Variants in PLCH2 observed in about 807,000 individuals in gnomAD.
PLCH2 encodes 1-phosphatidylinositol 4,5-bisphosphate phosphodiesterase eta-2.
Under a neutral mutation model 134.7 loss-of-function variants are expected in PLCH2, and 98 were observed. That is an observed-to-expected ratio of 0.73 (90% confidence interval 0.62 to 0.86). The LOEUF (loss-of-function observed/expected upper bound fraction) is 0.86. PLCH2 is among the 40% of genes least tolerant of loss of function. The pLI, the probability that PLCH2 is intolerant of heterozygous loss-of-function variation, is 0.00. For missense variants in PLCH2, 1,994 were observed against 1,986.6 expected, an observed-to-expected ratio of 1.00 and a Z score of -0.07; for synonymous variants, 974 against 827.5, an observed-to-expected ratio of 1.18 and a Z score of -3.04.
intron 11 of PLCH2, among the ~76,000 whole-genome samples, chr1:2,492,032 C>T (rs1331438023): frequency 6.6e-6 from 1 of 152,220 alleles, no homozygotes; most frequent in Admixed American, 6.5e-5. Flanking sequence ...TGCTGGTGGG[C>T]GCCCATGCTG....
intron 2 of PLCH2, among the ~76,000 whole-genome samples, chr1:2,440,205 G>A (rs1245708481): frequency 6.6e-6 from 1 of 152,198 alleles, no homozygotes; most frequent in Admixed American, 6.5e-5. Context: ...GCCAGATGGG[G>A]TCTGTGGGTA....
intron 2 of PLCH2, among the ~76,000 whole-genome samples, chr1:2,452,885 A>G (rs1265900829): frequency 6.6e-6 from 1 of 152,204 alleles, no homozygotes; most frequent in Non-Finnish European, 1.5e-5. Context: ...CAGAGCCTAG[A>G]GGAGGACAGC....
Position 2,480,327 on chromosome 1 carries a change from G to A in PLCH2, c.645+15G>A, listed in dbSNP as rs1641895148. On this transcript the variant is annotated intron_variant, in intron 4 of 21. Transcript: ENST00000378486. ...AGATGTTCAGGGTGAGCTGGGGGGA[G>A]CCCTACCTGGGCTCCAGAGCCAGGG... is the stretch of plus-strand genomic sequence containing the variant. The A allele has an allele frequency of 6.2e-7, 1 of 1,608,742 alleles. No homozygotes were observed. Among genetic ancestry groups the A allele is most frequent in the African/African-American group, 1.3e-5 (1 of 74,860 alleles).
rs957154418 is a variant in PLCH2, at chr1:2,500,027, C to T, written c.2661+307C>T. The stretch of plus-strand genomic sequence containing the variant: ...CTGTCTCAGACTCTTGGGGGCCTTG[C>T]AGCCTCCACCCCTACAGTGCTGCCA... On this transcript the variant is annotated intron_variant, in intron 20 of 21. Coordinates refer to ENST00000378486, the MANE Select transcript of PLCH2 (RefSeq NM_014638.4). 1.4e-5 allele frequency: 7 copies of T among 508,010 alleles called. No individual in the cohort carries two copies. The East Asian group carries it at 2.0e-4, about 14-fold the overall frequency. The allele number at this position is 508,010 out of a possible 1,614,324, so 31.5% of individuals were successfully genotyped here.
upstream of PLCH2, chr1:2,467,446 T>TCC: frequency 7.4e-6 from 1 of 134,904 alleles, no homozygotes; most frequent in Non-Finnish European, 1.1e-5. Context: ...CCCCTCGCCT[T>TCC]CCTCACCTTC....
At chr1:2,459,401 T>TCCTTGCTGGTGGTC (rs1557969353) in intron 2 of PLCH2, among the ~76,000 whole-genome samples, 2 of 53,966 alleles carry the variant, frequency 3.7e-5, no homozygotes, top group East Asian at 1.4e-3. Flanking sequence ...TCCTGGTGGT[T>TCCTTGCTGGTGGTC]CTCCTTCCTG....
At chr1:2,433,424 G>C (rs1018115036) in intron 2 of PLCH2, among the ~76,000 whole-genome samples, 4 of 152,308 alleles carry the variant, frequency 2.6e-5, no homozygotes, top group Middle Eastern at 3.4e-3. Context: ...CTGTCCCCTG[G>C]AGTACTCCAG....
intron 7 of PLCH2, 108 bp downstream of exon 7, chr1:2,487,484 T>C (rs756453294): frequency 8.1e-5 from 119 of 1,473,750 alleles, no homozygotes; most frequent in Non-Finnish European, 1.1e-4. Flanking sequence ...TGGGAAGGCC[T>C]CTTCTGTGTC....
At chr1:2,436,252 C>T (rs1484517087) in intron 2 of PLCH2, among the ~76,000 whole-genome samples, 41 of 101,438 alleles carry the variant, frequency 4.0e-4, no homozygotes, top group African/African-American at 1.6e-3. Flanking sequence ...TCCCTCCTCC[C>T]CTCCTCCCTC....
chr1:2,498,447 G>T lies in PLCH2; in HGVS notation c.2225-76G>T. 1 of 1,520,820 alleles carries T rather than the reference G, an allele frequency of 6.6e-7. No homozygotes were observed. 94.2% of individuals were successfully genotyped at this position (1,520,820 alleles called of 1,614,324 possible). On this transcript the variant is annotated intron_variant, in intron 16 of 21. Transcript: ENST00000378486. The surrounding 1 kb of genome is among the most constrained non-coding windows in gnomAD (Gnocchi z 5.4). ...CTATGTGGGGGCTGGGGAGGGGGCT[G>T]TTGGCAGCCATGCCCCAGCAAGCAG...
Position 2,495,481 on chromosome 1 carries a change from C to A in PLCH2, c.1753-7C>A. ...CCCTACAGCTCACACCTCTGCCCCCCGCACAGAAGAAGGGCAGCAAGCTGA... is the reference window on the plus strand; with the variant it reads ...CCCTACAGCTCACACCTCTGCCCCCAGCACAGAAGAAGGGCAGCAAGCTGA... On this transcript the variant is annotated splice_region_variant and splice_polypyrimidine_tract_variant and intron_variant, in intron 12 of 21. Coordinates refer to ENST00000378486, the MANE Select transcript of PLCH2 (RefSeq NM_014638.4). 6.4e-7 allele frequency: 1 copy of A among 1,550,980 alleles called. No homozygotes were observed. Among genetic ancestry groups the A allele is most frequent in the Non-Finnish European group, 8.7e-7 (1 of 1,146,624 alleles).
the PLCH2 span, among the ~76,000 whole-genome samples, chr1:2,419,764 G>A: frequency 4.6e-5 from 7 of 152,110 alleles, no homozygotes; most frequent in Non-Finnish European, 8.8e-5. Context: ...AGACTTGGGG[G>A]CCGCTCATCC....
At position 2,504,844 on chromosome 1, in the gene PLCH2, G is replaced by T; in HGVS notation, c.3882G>T (p.Val1294=). Reference sequence around the variant, plus strand: ...CACGGCGGGTGTCGGGGCCAGGGGTGAGACGGGACACCCTGACAGAGCAGC... The same window carrying T: ...CACGGCGGGTGTCGGGGCCAGGGGTTAGACGGGACACCCTGACAGAGCAGC... ...GGTRRVSGPG[V]RRDTLTEQLR... The change falls in exon 22 of 22, where the codon GTG becomes GTT. Residue 1294 remains valine, a synonymous_variant. Transcript: ENST00000378486. 1 of 1,604,940 alleles carries T rather than the reference G, an allele frequency of 6.2e-7. No homozygotes were observed. The highest frequency in any genetic ancestry group is 1.1e-5 in the South Asian group (1 of 90,450).
chr1:2,473,037 G>A (rs1253540925), upstream of PLCH2, among the ~76,000 whole-genome samples: 4 of 152,140 alleles, frequency 2.6e-5, no homozygotes, highest in African/African-American at 7.2e-5. Context: ...TGACAGCCGC[G>A]AGGCCCATGC....
chr1:2,497,301 CG>C (rs1642949067), intron 15 of PLCH2, among the ~76,000 whole-genome samples, 200 bp from the exon 16 acceptor site: 2 of 152,232 alleles, frequency 1.3e-5, no homozygotes, highest in South Asian at 4.1e-4. Context: ...GCGCCAGCTC[CG>C]GGGATGTCCC....
chr1:2,452,392 G>C (rs975838561), intron 2 of PLCH2, among the ~76,000 whole-genome samples: 4 of 152,200 alleles, frequency 2.6e-5, no homozygotes, highest in Non-Finnish European at 5.9e-5. Context: ...CCCCGTGGAG[G>C]GGGGCCTATC....
chr1:2,452,561 C>T (rs1017499604), intron 2 of PLCH2, among the ~76,000 whole-genome samples: 8 of 152,182 alleles, frequency 5.3e-5, no homozygotes, highest in South Asian at 2.1e-4. Context: ...CTCCCTCCAG[C>T]GGCGCCTTGC....
Position 2,487,701 on chromosome 1 carries a change from T to A in PLCH2, c.1218T>A (p.Tyr406Ter). The change falls in exon 8 of 22, where the codon TAT becomes TAA. Residue 406 changes from tyrosine to a stop codon, truncating the protein, a stop_gained. Coordinates refer to ENST00000378486, the MANE Select transcript of PLCH2 (RefSeq NM_014638.4). LOFTEE classifies it high-confidence loss of function. Reference sequence around the variant, plus strand: ...ACGTCATTGAAACCATCAACAAATATGCCTTCATCAAGAATGAGTGAGTGG... The same window carrying A: ...ACGTCATTGAAACCATCAACAAATAAGCCTTCATCAAGAATGAGTGAGTGG... Reference protein sequence around the residue: ...FKDVIETINKYAFIKNEYPVI... With the variant: ...FKDVIETINK 6.2e-7 allele frequency: 1 copy of A among 1,613,308 alleles called. No individual in the cohort carries two copies. The highest frequency in any genetic ancestry group is 1.1e-5 in the South Asian group (1 of 91,060).
intron 11 of PLCH2, chr1:2,492,344 T>C (rs1169846535): frequency 6.6e-6 from 1 of 152,210 alleles, no homozygotes; most frequent in Non-Finnish European, 1.5e-5. Context: ...CGTTCCTTTA[T>C]TTTTATCCCA....
Sources: allele counts gnomAD v4.1 joint callset (sites outside exome capture counted in the v4.1 genomes callset), GRCh38; gene constraint gnomAD v4.1.1; non-coding constraint Gnocchi (gnomAD v3.1); transcripts MANE v1.5; gene names NCBI Gene and HGNC (gene_info 2026-07-23, HGNC 2026-07-21).